TENM4: variants seen among roughly 807,000 people sequenced by gnomAD.
TENM4 encodes the protein teneurin-4.
A neutral mutation model predicts 243.3 loss-of-function variants in TENM4; 82 were observed. That is an observed-to-expected ratio of 0.34 (90% CI 0.28 to 0.40). The LOEUF is 0.40. Among genes scored for constraint, TENM4 ranks in the 10% least tolerant of loss-of-function variants. The pLI is 1.00. For missense variants in TENM4, 3,138 were observed against 3,673.3 expected (o/e 0.85, Z 3.77); for synonymous variants, 1,412 against 1,456.3 (o/e 0.97, Z 0.69).
intron 32 of TENM4, among the ~76,000 whole-genome samples, chr11:78,662,619 A>G (rs955675359): frequency 2.3e-4 from 35 of 152,190 alleles, no homozygotes; most frequent in Non-Finnish European, 1.0e-4. Flanking sequence ...GGATTTTGCC[A>G]TGAACATCTG....
intron 6 of TENM4, among the ~76,000 whole-genome samples, chr11:78,931,112 A>T (rs566901006): frequency 7.9e-5 from 12 of 152,308 alleles, no homozygotes; most frequent in African/African-American, 2.9e-4. Flanking sequence ...TTTTAGGTAG[A>T]CTAGGGCACT....
intron 19 of TENM4, among the ~76,000 whole-genome samples, chr11:78,744,039 C>T (rs1197649883): frequency 6.6e-6 from 1 of 152,218 alleles, no homozygotes; most frequent in Non-Finnish European, 1.5e-5. Flanking sequence ...AATCCTTAAA[C>T]TGTTTTCTGC....
In TENM4 at chr11:79,139,710, T is replaced by G. The variant is rs1370987638; in HGVS notation, c.-66+9000A>C. Reference sequence around the variant, plus strand: ...ATATAAAATATATATAATATTTATATAAGTATATAAAATATATATTATATT... The same window carrying G: ...ATATAAAATATATATAATATTTATAGAAGTATATAAAATATATATTATATT... On this transcript the variant is annotated intron_variant, in intron 4 of 33. Transcript: ENST00000278550. Among the ~76,000 whole-genome samples, 25 of 103,116 alleles carry G rather than the reference T, an allele frequency of 2.4e-4. 5 individuals carry two copies. The highest frequency in any genetic ancestry group is 8.2e-4 in the African/African-American group (20 of 24,448). 67.6% of individuals were successfully genotyped at this position (103,116 alleles called of 152,430 possible). A position where few individuals can be genotyped will look rare whatever the true frequency, so the allele number is the denominator to read the frequency against.
intron 1 of TENM4, among the ~76,000 whole-genome samples, chr11:79,418,193 G>T (rs959269331): frequency 3.3e-5 from 5 of 151,974 alleles, no homozygotes; most frequent in African/African-American, 9.7e-5. Context: ...GCATTTCAAG[G>T]GTCCAACAGT....
intron 1 of TENM4, among the ~76,000 whole-genome samples, chr11:79,386,197 T>G (rs1858108398): frequency 6.6e-6 from 1 of 151,988 alleles, no homozygotes; most frequent in Admixed American, 6.6e-5. Flanking sequence ...CGTTGTTAGG[T>G]CTATTGGTTA....
chr11:79,018,032 C>A (rs1005433997), intron 6 of TENM4, among the ~76,000 whole-genome samples: 1 of 152,132 alleles, frequency 6.6e-6, no homozygotes, highest in Non-Finnish European at 1.5e-5. Context: ...TGGCTGCCTG[C>A]TGTGGGATAG....
chr11:79,394,118 C>G (rs1010505140), intron 1 of TENM4, among the ~76,000 whole-genome samples: 1 of 152,188 alleles, frequency 6.6e-6, no homozygotes, highest in Non-Finnish European at 1.5e-5. Context: ...CTCACTAAAC[C>G]CTAGTTCTCT....
At chr11:79,302,940 G>T (rs961065898) in intron 1 of TENM4, among the ~76,000 whole-genome samples, 3 of 152,176 alleles carry the variant, frequency 2.0e-5, no homozygotes, top group East Asian at 3.9e-4. Context: ...CTAGTTCAAG[G>T]AGTAGAAGGA....
chr11:79,357,202 C>T (rs1251496249), intron 1 of TENM4, among the ~76,000 whole-genome samples: 1 of 152,212 alleles, frequency 6.6e-6, no homozygotes, highest in Admixed American at 6.5e-5. Flanking sequence ...TGGCACATGC[C>T]TTGTCTGAGG....
At chr11:79,192,416 G>A (rs1863533421) in intron 3 of TENM4, among the ~76,000 whole-genome samples, 1 of 152,196 alleles carries the variant, frequency 6.6e-6, no homozygotes, top group African/African-American at 2.4e-5. Context: ...ATTTTGTTCT[G>A]TACTAAGAAA....
chr11:79,385,115 G>T (rs998152626), intron 1 of TENM4, among the ~76,000 whole-genome samples: 1 of 152,112 alleles, frequency 6.6e-6, no homozygotes, highest in African/African-American at 2.4e-5. Flanking sequence ...CTAGTTCCAT[G>T]AGAGTGAATT....
rs183193357 is a variant in TENM4, at chr11:78,974,262, A to G, written c.494-70739T>C. On this transcript the variant is annotated intron_variant, in intron 6 of 33. Coordinates refer to ENST00000278550, the MANE Select transcript of TENM4 (RefSeq NM_001098816.3). ...TTGACCTAATGACCTCCTAATAAAA[A>G]CAACATTTACATGTGAGTAGTATTT... Among the ~76,000 whole-genome samples, 5 of 152,312 alleles carry G rather than the reference A, an allele frequency of 3.3e-5. No individual in the cohort carries two copies. The East Asian group carries it at 9.7e-4, about 29-fold the overall frequency.
At chr11:79,225,784 T>C (rs1187020324) in intron 2 of TENM4, among the ~76,000 whole-genome samples, 1 of 152,176 alleles carries the variant, frequency 6.6e-6, no homozygotes, top group Non-Finnish European at 1.5e-5. Context: ...TGCTCAGTCC[T>C]TTCTGTTTTG....
Position 79,088,267 on chromosome 11 carries a change from G to T in TENM4, c.-65-18258C>A, listed in dbSNP as rs11237710. 4.5e-3 allele frequency among the ~76,000 whole-genome samples: 678 copies of T among 152,236 alleles called. 1 individual carries two copies. The highest frequency in any genetic ancestry group is 4.5e-3 in the Non-Finnish European group (308 of 68,018). On this transcript the variant is annotated intron_variant, in intron 4 of 33. Transcript: ENST00000278550. ...GGGCCCAGCCTGGCCTCTGCTGGCC[G>T]GCAATGGTCCAGATTGTCTAGTATG...
At chr11:79,432,957 G>A (rs974077947) in intron 1 of TENM4, among the ~76,000 whole-genome samples, 4 of 152,142 alleles carry the variant, frequency 2.6e-5, no homozygotes, top group African/African-American at 7.2e-5. Context: ...GTATGTGTTC[G>A]TTTTGTTCTT....
intron 9 of TENM4, 87 bp from the exon 10 acceptor site, chr11:78,863,219 G>A (rs1183815063): frequency 5.1e-6 from 7 of 1,363,370 alleles, no homozygotes; most frequent in Non-Finnish European, 6.8e-6. Context: ...GGGCAGGGTG[G>A]GGGAACACAG....
chr11:78,899,280 C>A (rs535368093), intron 7 of TENM4, among the ~76,000 whole-genome samples: 1 of 152,038 alleles, frequency 6.6e-6, no homozygotes, highest in Non-Finnish European at 1.5e-5. Context: ...GATGTTTGTC[C>A]CCCCAAAGCT....
At chr11:79,224,510 T>A (rs1191597349) in intron 2 of TENM4, among the ~76,000 whole-genome samples, 4 of 152,142 alleles carry the variant, frequency 2.6e-5, no homozygotes, top group Admixed American at 1.3e-4. Flanking sequence ...TTGAATTGTA[T>A]CCTCAAAAAA....
intron 4 of TENM4, among the ~76,000 whole-genome samples, chr11:79,145,776 C>A (rs992111468): frequency 6.6e-6 from 1 of 152,098 alleles, no homozygotes; most frequent in Non-Finnish European, 1.5e-5. Flanking sequence ...TGTTTCACAT[C>A]TTTGCCAACA....
Sources: gnomAD v4.1 joint callset for allele counts (sites outside exome capture counted in the v4.1 genomes callset) on GRCh38, gnomAD v4.1.1 for gene constraint, MANE v1.5 for transcripts, NCBI Gene and HGNC (gene_info 2026-07-23, HGNC 2026-07-21) for gene names.